The following GPR158 variants were observed in gnomAD, a reference collection of about 807,000 sequenced individuals.
GPR158 encodes the protein G protein-coupled receptor 158, also known as metabotropic glycine receptor.
Under a neutral mutation model 78.2 loss-of-function variants are expected in GPR158, and 30 were observed. The ratio of observed to expected loss-of-function variants is 0.38; its 90% CI spans 0.29 to 0.52. The LOEUF is 0.52. Among genes scored for constraint, GPR158 ranks in the 20% least tolerant of loss-of-function variants. The pLI is 0.83. For missense variants in GPR158, 1,463 were observed against 1,523.5 expected (o/e 0.96, Z 0.66); for synonymous variants, 581 against 591.1 (o/e 0.98, Z 0.25).
intron 3 of GPR158, among the ~76,000 whole-genome samples, chr10:25,409,671 A>G (rs1445472368): frequency 1.3e-5 from 2 of 152,230 alleles, no homozygotes; most frequent in African/African-American, 2.4e-5. Flanking sequence ...TTCTCCAACT[A>G]TGCTCTTGAT....
At chr10:25,313,582 G>A (rs547751424) in intron 2 of GPR158, among the ~76,000 whole-genome samples, 62 of 151,734 alleles carry the variant, frequency 4.1e-4, no homozygotes, top group African/African-American at 5.8e-4. Flanking sequence ...ATTTTTGATC[G>A]TTTATGGCCA....
intron 2 of GPR158, among the ~76,000 whole-genome samples, chr10:25,248,374 G>T (rs944812980): frequency 2.6e-5 from 4 of 151,994 alleles, no homozygotes; most frequent in Non-Finnish European, 5.9e-5. Context: ...TGGTGTTTTG[G>T]ACATGGTCCT....
intron 2 of GPR158, among the ~76,000 whole-genome samples, chr10:25,349,006 G>T (rs746713144): frequency 3.3e-5 from 5 of 151,950 alleles, no homozygotes; most frequent in African/African-American, 9.7e-5. Flanking sequence ...ATTTCCTATT[G>T]CTGTTTTACA....
chr10:25,501,973 T>C (rs958439395), intron 5 of GPR158, among the ~76,000 whole-genome samples: 1 of 152,136 alleles, frequency 6.6e-6, no homozygotes, highest in Admixed American at 6.5e-5. Flanking sequence ...TCTCCCTACA[T>C]ACACCATACC....
intron 5 of GPR158, among the ~76,000 whole-genome samples, chr10:25,489,922 C>T (rs868134093): frequency 1.3e-5 from 2 of 152,064 alleles, no homozygotes; most frequent in South Asian, 4.2e-4. Context: ...AGAAGACTAT[C>T]TTTGTGACCT....
chr10:25,176,182 C>G lies in GPR158; in HGVS notation c.762C>G (p.Asp254Glu). 1 of 1,581,628 alleles carries G rather than the reference C, an allele frequency of 6.3e-7. No individual in the cohort carries two copies. Among genetic ancestry groups the G allele is most frequent in the Non-Finnish European group, 8.6e-7 (1 of 1,165,514 alleles). ...RGLGHSWRRK[D>E]GLGGDKSHFK... The stretch of plus-strand genomic sequence containing the variant: ...TGGGCCACAGCTGGCGGCGCAAGGA[C>G]GGGCTCGGCGGGGACAAGAGCCACT... The change falls in exon 1 of 11, where the codon GAC (aspartate) becomes GAG (glutamate). Residue 254 changes from aspartate to glutamate, a missense_variant. Asp to Glu is a conservative substitution (Grantham distance 45). Coordinates refer to ENST00000376351, the MANE Select transcript of GPR158 (RefSeq NM_020752.3). This position sits in a 1 kb window ranked among gnomAD's most constrained non-coding sequence, Gnocchi z 6.3.
intron 4 of GPR158, among the ~76,000 whole-genome samples, chr10:25,447,861 A>AAAAT (rs397753453): frequency 6.6e-6 from 1 of 151,832 alleles, no homozygotes; most frequent in East Asian, 1.9e-4. Flanking sequence ...AGTTTAATAA[A>AAAAT]TGCACACACC....
intron 2 of GPR158, among the ~76,000 whole-genome samples, chr10:25,327,105 A>T (rs72796129): frequency 3.5e-4 from 53 of 152,306 alleles, no homozygotes; most frequent in Non-Finnish European, 5.9e-4. Context: ...TTAATTGTCA[A>T]TTGCACCTTA....
chr10:25,228,344 A>G (rs1199027449), intron 2 of GPR158, among the ~76,000 whole-genome samples: 1 of 151,972 alleles, frequency 6.6e-6, no homozygotes, highest in African/African-American at 2.4e-5. Context: ...AATATAATTC[A>G]TAAATATATA....
At chr10:25,339,962 G>C (rs1169384599) in intron 2 of GPR158, among the ~76,000 whole-genome samples, 1 of 152,052 alleles carries the variant, frequency 6.6e-6, no homozygotes, top group Non-Finnish European at 1.5e-5. Context: ...CTTGCATAAT[G>C]TTAGCTTACT....
chr10:25,350,755 A>C (rs1218963790), intron 2 of GPR158, among the ~76,000 whole-genome samples: 1 of 151,964 alleles, frequency 6.6e-6, no homozygotes, highest in Non-Finnish European at 1.5e-5. Flanking sequence ...GCTGGAGAGC[A>C]TCAGTTGGTG....
chr10:25,534,809 G>A (rs539330418), intron 5 of GPR158, among the ~76,000 whole-genome samples: 4 of 152,116 alleles, frequency 2.6e-5, no homozygotes, highest in South Asian at 4.2e-4. Flanking sequence ...ACAGGGATCC[G>A]AATTACATCT....
chr10:25,251,168 A>C (rs948913939), intron 2 of GPR158, among the ~76,000 whole-genome samples: 6 of 152,140 alleles, frequency 3.9e-5, no homozygotes, highest in African/African-American at 1.4e-4. Flanking sequence ...TTTGCTTGGT[A>C]GATGTTCCTC....
intron 5 of GPR158, among the ~76,000 whole-genome samples, chr10:25,505,930 G>A (rs918658572): frequency 3.3e-5 from 5 of 152,174 alleles, no homozygotes; most frequent in African/African-American, 1.2e-4. Flanking sequence ...TTGTCATTGA[G>A]TTGAAATGAT....
intron 2 of GPR158, among the ~76,000 whole-genome samples, chr10:25,387,516 A>ATTTTTTTTTTT (rs57404980): frequency 7.1e-6 from 1 of 140,482 alleles, no homozygotes; most frequent in African/African-American, 2.8e-5. Context: ...TTCTCTTCAA[A>ATTTTTTTTTTT]TTTTTTTTTT....
chr10:25,584,148 C>CA (rs1458661701), intron 7 of GPR158, among the ~76,000 whole-genome samples: 1 of 152,022 alleles, frequency 6.6e-6, no homozygotes, highest in Non-Finnish European at 1.5e-5. Context: ...TAAATGCAGT[C>CA]CTTTTTGTAA....
intron 4 of GPR158, among the ~76,000 whole-genome samples, chr10:25,419,828 G>A (rs900472553): frequency 6.6e-6 from 1 of 151,990 alleles, no homozygotes; most frequent in Non-Finnish European, 1.5e-5. Context: ...GTCTATTCAA[G>A]TCTTTTGCCC....
At chr10:25,246,580 A>G (rs965675948) in intron 2 of GPR158, among the ~76,000 whole-genome samples, 2 of 152,232 alleles carry the variant, frequency 1.3e-5, no homozygotes, top group African/African-American at 2.4e-5. Flanking sequence ...GAATAGAATG[A>G]TGAGTGACAT....
At chr10:25,373,753 G>T (rs1034353016) in intron 2 of GPR158, among the ~76,000 whole-genome samples, 1 of 151,634 alleles carries the variant, frequency 6.6e-6, no homozygotes, top group South Asian at 2.1e-4. Flanking sequence ...ATATTTTTGT[G>T]ACTTATTTCT....
Sources: gnomAD v4.1 joint callset for allele counts (sites outside exome capture counted in the v4.1 genomes callset) on GRCh38, gnomAD v4.1.1 for gene constraint, Gnocchi (gnomAD v3.1) non-coding constraint, MANE v1.5 for transcripts, NCBI Gene and HGNC (gene_info 2026-07-23, HGNC 2026-07-21) for gene names.